IL1RAPL1: variants seen among roughly 807,000 people sequenced by gnomAD.
The protein encoded by IL1RAPL1 is interleukin-1 receptor accessory protein-like 1.
In IL1RAPL1, 3 loss-of-function variants were observed where a neutral mutation model predicts 48.4. The observed-to-expected ratio is 0.06, with a 90% CI of 0.03 to 0.16. The LOEUF (loss-of-function observed/expected upper bound fraction) is 0.16. Ranked by LOEUF, IL1RAPL1 falls within the 10% of genes least tolerant of loss-of-function variation. The pLI is 1.00. For missense variants in IL1RAPL1, 349 were observed against 530.6 expected (o/e 0.66, Z 3.36); for synonymous variants, 185 against 187.7 (o/e 0.99, Z 0.12).
intron 3 of IL1RAPL1, among the ~76,000 whole-genome samples, chrX:29,336,726 A>G (rs1933002215): frequency 9.0e-6 from 1 of 111,466 alleles, no homozygotes; most frequent in Non-Finnish European, 1.9e-5. Flanking sequence ...GGTATGATCT[A>G]GTGTTACCAG....
chrX:29,741,165 G>C (rs2147135514), intron 6 of IL1RAPL1, among the ~76,000 whole-genome samples: 1 of 112,430 alleles, frequency 8.9e-6, no homozygotes, highest in Admixed American at 9.4e-5. Context: ...TTTAATTTAT[G>C]ACATTTGGCA....
At chrX:29,142,027 T>C (rs1929253303) in intron 2 of IL1RAPL1, among the ~76,000 whole-genome samples, 1 of 112,006 alleles carries the variant, frequency 8.9e-6, no homozygotes, top group South Asian at 3.7e-4. Flanking sequence ...TACTCTTGTG[T>C]GACTTCTTTT....
At chrX:28,745,983 C>G (rs1348758981) in intron 1 of IL1RAPL1, among the ~76,000 whole-genome samples, 1 of 110,665 alleles carries the variant, frequency 9.0e-6, no homozygotes, top group Non-Finnish European at 1.9e-5. Flanking sequence ...AAAAATGAAG[C>G]CTAAGAGAAG....
chrX:29,532,362 T>C (rs749301400), intron 5 of IL1RAPL1, among the ~76,000 whole-genome samples: 1 of 112,373 alleles, frequency 8.9e-6, no homozygotes, highest in African/African-American at 3.2e-5. Context: ...ATTTTGGCTT[T>C]GGTGTCCTCT....
intron 2 of IL1RAPL1, among the ~76,000 whole-genome samples, chrX:28,962,026 A>G (rs185580048): frequency 4.0e-4 from 45 of 112,027 alleles, no homozygotes; most frequent in African/African-American, 1.4e-3. Context: ...ATCTAAATTC[A>G]CATATTTACA....
Position 29,328,265 on chromosome X carries a change from T to G in IL1RAPL1, c.362+45048T>G, listed in dbSNP as rs376005240. 2.0e-4 allele frequency among the ~76,000 whole-genome samples: 22 copies of G among 111,794 alleles called. No homozygotes were observed. The South Asian group carries it at 7.5e-3, about 38-fold the overall frequency. On this transcript the variant is annotated intron_variant, in intron 3 of 10. Coordinates refer to ENST00000378993, the MANE Select transcript of IL1RAPL1 (RefSeq NM_014271.4). Reference sequence around the variant, plus strand: ...TATTTTAGCTCTATTGAAATCACTTTGGTAGATCTAGGCTGCAGCAACAAG... The same window carrying G: ...TATTTTAGCTCTATTGAAATCACTTGGGTAGATCTAGGCTGCAGCAACAAG...
chrX:29,941,866 G>A, intron 9 of IL1RAPL1, 72 bp downstream of exon 9: 1 of 999,577 alleles, frequency 1.0e-6, no homozygotes, highest in South Asian at 2.0e-5. Context: ...TTATTAAGGG[G>A]AAAAAAATTA....
chrX:29,396,990 C>T (rs1213575133), intron 4 of IL1RAPL1, among the ~76,000 whole-genome samples: 1 of 111,737 alleles, frequency 8.9e-6, no homozygotes, highest in Non-Finnish European at 1.9e-5. Context: ...AACTTTCTTC[C>T]AAAACCAGTT....
rs781284935 is a variant in IL1RAPL1, at chrX:29,498,425, T to C, written c.703+99117T>C. Among the ~76,000 whole-genome samples the C allele has an allele frequency of 3.6e-5, 4 of 111,499 alleles. No individual in the cohort carries two copies. The East Asian group carries it at 1.1e-3, about 31-fold the overall frequency. ...CATTGCCCTCTTCATTGTCTCTTAC[T>C]CTCCTTTCTTGTTTTTGCCTCTTAA... On this transcript the variant is annotated intron_variant, in intron 5 of 10. Coordinates refer to ENST00000378993, the MANE Select transcript of IL1RAPL1 (RefSeq NM_014271.4).
chrX:29,036,778 G>A (rs1490079071), intron 2 of IL1RAPL1, among the ~76,000 whole-genome samples: 1 of 110,770 alleles, frequency 9.0e-6, no homozygotes, highest in African/African-American at 3.3e-5. Flanking sequence ...ATCAATACAG[G>A]TCAATTTTTA....
intron 6 of IL1RAPL1, among the ~76,000 whole-genome samples, chrX:29,728,189 G>A (rs1335695042): frequency 9.0e-6 from 1 of 111,064 alleles, no homozygotes; most frequent in Admixed American, 9.6e-5. Context: ...ACCTGCCTTG[G>A]CCACCCAAAG....
chrX:29,075,456 G>A (rs1927649980), intron 2 of IL1RAPL1, among the ~76,000 whole-genome samples: 1 of 111,573 alleles, frequency 9.0e-6, no homozygotes, highest in Non-Finnish European at 1.9e-5. Flanking sequence ...AAAGAGCAAT[G>A]ACACATTCAT....
intron 5 of IL1RAPL1, among the ~76,000 whole-genome samples, chrX:29,535,976 A>G (rs767995688): frequency 1.1e-4 from 12 of 112,024 alleles, no homozygotes; most frequent in Non-Finnish European, 2.1e-4. Flanking sequence ...GGCTTCCCAG[A>G]GCCTCTACAG....
chrX:29,081,242 G>A (rs1422807319), intron 2 of IL1RAPL1, among the ~76,000 whole-genome samples: 1 of 105,952 alleles, frequency 9.4e-6, no homozygotes. Context: ...TTTTAGTAGA[G>A]ATGGGATTTC....
chrX:29,754,924 C>A (rs1385484785), intron 6 of IL1RAPL1, among the ~76,000 whole-genome samples: 1 of 112,711 alleles, frequency 8.9e-6, no homozygotes, highest in African/African-American at 3.2e-5. Flanking sequence ...TCCTTTGCTT[C>A]ACAGTGTCTC....
chrX:29,855,633 C>T, intron 6 of IL1RAPL1, among the ~76,000 whole-genome samples: 1 of 110,714 alleles, frequency 9.0e-6, no homozygotes, highest in East Asian at 2.8e-4. Flanking sequence ...TTCACGAGGG[C>T]AGCTAATGCT....
chrX:28,694,019 C>T (rs1360943411), intron 1 of IL1RAPL1, among the ~76,000 whole-genome samples: 1 of 111,742 alleles, frequency 8.9e-6, no homozygotes, highest in African/African-American at 3.3e-5. Context: ...GAGTACTTGC[C>T]CAGTTACACT....
chrX:28,925,616 A>G (rs1221448012), intron 2 of IL1RAPL1, among the ~76,000 whole-genome samples: 1 of 112,176 alleles, frequency 8.9e-6, no homozygotes, highest in Non-Finnish European at 1.9e-5. Flanking sequence ...AAGTTTTAGA[A>G]CTACCAAGTT....
At chrX:28,658,824 A>G (rs1934781739) in intron 1 of IL1RAPL1, among the ~76,000 whole-genome samples, 1 of 111,530 alleles carries the variant, frequency 9.0e-6, no homozygotes, top group African/African-American at 3.3e-5. Flanking sequence ...GTTCACTGAA[A>G]CATTTTAACT....
Sources: allele counts gnomAD v4.1 joint callset (sites outside exome capture counted in the v4.1 genomes callset), GRCh38; gene constraint gnomAD v4.1.1; transcripts MANE v1.5; gene names NCBI Gene and HGNC (gene_info 2026-07-23, HGNC 2026-07-21).